Variants in PLB1 observed in about 807,000 individuals in gnomAD.
PLB1 encodes phospholipase B1, membrane-associated.
A neutral mutation model predicts 227.4 loss-of-function variants in PLB1; 242 were observed. That is an observed-to-expected ratio of 1.06 (90% CI 0.96 to 1.18). The LOEUF (loss-of-function observed/expected upper bound fraction) is 1.18. Among genes scored for constraint, PLB1 ranks in the 50% most tolerant of loss-of-function variants. The probability of loss-of-function intolerance (pLI) is 0.00; values close to 1 mark genes in which losing one functional copy is unlikely to be tolerated. For synonymous variants in PLB1, 757 were observed against 682.2 expected, an observed-to-expected ratio of 1.11 and a Z score of -1.71; for missense variants, 1,858 against 1,816.3, an observed-to-expected ratio of 1.02 and a Z score of -0.42.
At position 28,524,808 on chromosome 2, in the gene PLB1, C is replaced by T. The variant is rs72792959; in HGVS notation, c.244-459C>T. On this transcript the variant is annotated intron_variant, in intron 4 of 57. Coordinates refer to ENST00000327757, the MANE Select transcript of PLB1 (RefSeq NM_153021.5). ...GAACTTTTCCTCCCTGCAGAAGGAG[C>T]CTTCATCTTTCTCTGTAGGTTCTCT... Among the ~76,000 whole-genome samples the T allele has an allele frequency of 6.9e-3, 1,044 of 150,970 alleles. 15 individuals carry two copies. The highest frequency in any genetic ancestry group is 0.024 in the African/African-American group (990 of 41,024).
intron 17 of PLB1, among the ~76,000 whole-genome samples, chr2:28,556,404 T>A (rs1675127431): frequency 6.6e-6 from 1 of 152,230 alleles, no homozygotes; most frequent in African/African-American, 2.4e-5. Flanking sequence ...AGAGTTAATG[T>A]AAGTGATTTT....
chr2:28,626,509 G>A lies in PLB1; in HGVS notation c.3660+1G>A, dbSNP rs755186608. On this transcript the variant is annotated splice_donor_variant, in intron 51 of 57. Coordinates refer to ENST00000327757, the MANE Select transcript of PLB1 (RefSeq NM_153021.5). LOFTEE classifies it high-confidence loss of function. ...CTTGTGTCATTACTGTGAGAATCCG[G>A]TAGGCCCCCGACCAACCCCATGGGG... The A allele has an allele frequency of 5.6e-6, 9 of 1,613,676 alleles. No homozygotes were observed. In the East Asian group the frequency reaches 8.9e-5, roughly 16 times the overall value.
intron 17 of PLB1, among the ~76,000 whole-genome samples, chr2:28,558,853 A>G (rs987673060): frequency 2.6e-5 from 4 of 152,198 alleles, no homozygotes; most frequent in Non-Finnish European, 5.9e-5. Context: ...GAGGGCCACA[A>G]GACAATTTAT....
chr2:28,534,088 T>C (rs1378470773), intron 9 of PLB1, among the ~76,000 whole-genome samples: 1 of 152,244 alleles, frequency 6.6e-6, no homozygotes, highest in Non-Finnish European at 1.5e-5. Context: ...TGTTATATTG[T>C]ATGTACTACT....
In PLB1 at chr2:28,620,867, C is replaced by T. The variant is rs762803556; in HGVS notation, c.3428-12C>T. The T allele has an allele frequency of 1.2e-6, 2 of 1,609,678 alleles. No individual in the cohort carries two copies. Among genetic ancestry groups the T allele is most frequent in the Non-Finnish European group, 1.7e-6 (2 of 1,176,006 alleles). On this transcript the variant is annotated splice_polypyrimidine_tract_variant and intron_variant, in intron 48 of 57. Coordinates refer to ENST00000327757, the MANE Select transcript of PLB1 (RefSeq NM_153021.5). ...TCACCTGTGCTCTTCTCCTCCTCCT[C>T]CTCCTCTAAAGACATTCTGAAGAAG...
rs1573639935 is a variant in PLB1, at chr2:28,643,881, G to T, written c.*820G>T. 1 of 152,364 alleles carries T rather than the reference G, an allele frequency of 6.6e-6. No individual in the cohort carries two copies. The highest frequency in any genetic ancestry group is 2.4e-5 in the African/African-American group (1 of 41,584). The allele number at this position is 152,364 out of a possible 1,614,324, so 9.4% of individuals were successfully genotyped here. A position where few individuals can be genotyped will look rare whatever the true frequency, so the allele number is the denominator to read the frequency against. Reference sequence around the variant, plus strand: ...TGCCCAGGTTTCTGAGGGAAAACTAGAGAGAGTCTGAAAATATGGGCTGCA... The same window carrying T: ...TGCCCAGGTTTCTGAGGGAAAACTATAGAGAGTCTGAAAATATGGGCTGCA... On this transcript the variant is annotated 3_prime_UTR_variant, in exon 58 of 58. Coordinates refer to ENST00000327757, the MANE Select transcript of PLB1 (RefSeq NM_153021.5).
intron 20 of PLB1, among the ~76,000 whole-genome samples, chr2:28,570,655 G>A (rs1407847175): frequency 1.3e-5 from 2 of 152,152 alleles, no homozygotes; most frequent in African/African-American, 4.8e-5. Context: ...GTGTGGTGGC[G>A]GGTGCCTGTA....
chr2:28,562,695 C>G (rs945100573), intron 17 of PLB1, among the ~76,000 whole-genome samples: 1 of 152,032 alleles, frequency 6.6e-6, no homozygotes, highest in African/African-American at 2.4e-5. Context: ...GCAATTTCTT[C>G]CCTCCTCCCA....
At chr2:28,622,731 C>T (rs1488733882) in intron 49 of PLB1, among the ~76,000 whole-genome samples, 1 of 152,102 alleles carries the variant, frequency 6.6e-6, no homozygotes, top group Admixed American at 6.5e-5. Context: ...CTACTAAAAT[C>T]AAAAATTAGC....
chr2:28,605,399 T>C (rs1684526260), intron 41 of PLB1, among the ~76,000 whole-genome samples: 1 of 152,102 alleles, frequency 6.6e-6, no homozygotes, highest in African/African-American at 2.4e-5. Context: ...ATGAAGAGGC[T>C]GGAGTCAGGG....
intron 29 of PLB1, among the ~76,000 whole-genome samples, chr2:28,590,737 G>A (rs967365667): frequency 3.9e-5 from 6 of 152,102 alleles, no homozygotes; most frequent in Non-Finnish European, 7.3e-5. Flanking sequence ...GCAGGAAGGG[G>A]CCCTGGTCAC....
chr2:28,593,837 C>T (rs1029686752), intron 33 of PLB1, 83 bp downstream of exon 33: 20 of 1,266,258 alleles, frequency 1.6e-5, no homozygotes, highest in Non-Finnish European at 2.3e-5. Flanking sequence ...ATATGTAAAT[C>T]CCAGAGGTCG....
At chr2:28,601,198 G>C in intron 36 of PLB1, 54 bp from the exon 37 acceptor site, 1 of 1,431,418 alleles carries the variant, frequency 7.0e-7, no homozygotes, top group African/African-American at 1.4e-5. Context: ...CTAGGGCAGG[G>C]ATATTTTCAT....
chr2:28,531,434 C>T (rs995280831), intron 8 of PLB1, among the ~76,000 whole-genome samples: 30 of 152,196 alleles, frequency 2.0e-4, no homozygotes, highest in Admixed American at 1.2e-3. Flanking sequence ...GCCTCAGCCT[C>T]CCAAGTAGCT....
At chr2:28,533,617 T>A (rs940968016) in intron 9 of PLB1, among the ~76,000 whole-genome samples, 4 of 152,260 alleles carry the variant, frequency 2.6e-5, no homozygotes, top group Non-Finnish European at 5.9e-5. Context: ...CATCCATAAG[T>A]TATATTCATG....
At chr2:28,632,549 G>A (rs930417410) in intron 55 of PLB1, among the ~76,000 whole-genome samples, 3 of 152,134 alleles carry the variant, frequency 2.0e-5, no homozygotes, top group African/African-American at 7.2e-5. Flanking sequence ...CAGCCTTTGG[G>A]AAGCCAAGGC....
rs145179606 is a variant in PLB1 at position 28,604,664 on chromosome 2, C to T, written c.2866C>T (p.Arg956Cys). Reference sequence around the variant, plus strand: ...GTGCATGTGTCCCCAGAGCAGCATGCGCGAGCTGGTGGGGTCAGGCCGCTA... The same window carrying T: ...GTGCATGTGTCCCCAGAGCAGCATGTGCGAGCTGGTGGGGTCAGGCCGCTA... ...AFSRAYRSSM[R>C]ELVGSGRYDT... Residue 956 changes from arginine (R) to cysteine (C), a missense_variant, in exon 41 of 58, where the codon CGC (arginine) becomes TGC (cysteine). Transcript: ENST00000327757. 3.2e-5 allele frequency: 52 copies of T among 1,613,800 alleles called. No homozygotes were observed. The highest frequency in any genetic ancestry group is 1.5e-4 in the Admixed American group (9 of 60,000).
At chr2:28,554,335 A>T (rs372528814) in intron 17 of PLB1, among the ~76,000 whole-genome samples, 7 of 142,616 alleles carry the variant, frequency 4.9e-5, no homozygotes, top group South Asian at 2.2e-4. Context: ...AGAGAGAGAA[A>T]TTTTTTTTTT....
At chr2:28,604,617 C>T (rs1477593438) in intron 40 of PLB1, 38 bp from the exon 41 acceptor site, 1 of 1,588,506 alleles carries the variant, frequency 6.3e-7, no homozygotes, top group Admixed American at 1.7e-5. Flanking sequence ...TGGGCCCACC[C>T]AGGGCCTGGG....
Sources: allele counts gnomAD v4.1 joint callset (sites outside exome capture counted in the v4.1 genomes callset), GRCh38; gene constraint gnomAD v4.1.1; transcripts MANE v1.5; gene names NCBI Gene and HGNC (gene_info 2026-07-23, HGNC 2026-07-21).